The following LRRK1 variants were observed in gnomAD, a reference collection of about 807,000 sequenced individuals.
LRRK1 encodes leucine rich repeat kinase 1, also known as leucine-rich repeat serine/threonine-protein kinase 1.
Under a neutral mutation model 209.1 loss-of-function variants are expected in LRRK1, and 113 were observed. That is an observed-to-expected ratio of 0.54 (90% CI 0.46 to 0.63). The LOEUF (loss-of-function observed/expected upper bound fraction) is 0.63. Among genes scored for constraint, LRRK1 ranks in the 30% least tolerant of loss-of-function variants. LRRK1 has a pLI of 0.00. For missense variants in LRRK1, 2,284 were observed against 2,632.2 expected (o/e 0.87, Z 2.89); for synonymous variants, 1,144 against 1,099.7 (o/e 1.04, Z -0.80).
chr15:101,057,471 G>T (rs919008486), intron 28 of LRRK1, among the ~76,000 whole-genome samples: 30 of 152,204 alleles, frequency 2.0e-4, no homozygotes, highest in Non-Finnish European at 4.4e-4. Context: ...GAAGAGGCTA[G>T]TGGTTTCAAA....
intron 2 of LRRK1, among the ~76,000 whole-genome samples, chr15:100,964,845 C>A (rs1185230037): frequency 6.6e-6 from 1 of 152,056 alleles, no homozygotes; most frequent in African/African-American, 2.4e-5. Context: ...TTAGAACTTA[C>A]ATAATTAAAG....
intron 6 of LRRK1, among the ~76,000 whole-genome samples, chr15:101,000,439 T>C (rs1396503184): frequency 6.6e-6 from 1 of 152,210 alleles, no homozygotes; most frequent in Non-Finnish European, 1.5e-5. Context: ...CTCATTACCA[T>C]CTGAATTCTT....
intron 2 of LRRK1, among the ~76,000 whole-genome samples, chr15:100,959,312 G>A (rs2042825835): frequency 6.6e-6 from 1 of 152,188 alleles, no homozygotes; most frequent in African/African-American, 2.4e-5. Flanking sequence ...CAGTGAGTAA[G>A]CAGAACCCAG....
In LRRK1 at chr15:101,055,166, G is replaced by A. The variant is rs756178781; in HGVS notation, c.4275G>A (p.Glu1425=). The A allele has an allele frequency of 1.2e-6, 2 of 1,609,198 alleles. No homozygotes were observed. The highest frequency in any genetic ancestry group is 2.2e-5 in the South Asian group (2 of 90,580). Residue 1425 remains glutamate (E), a synonymous_variant, in exon 27 of 34, where the codon GAG becomes GAA. Transcript: ENST00000388948. ...QSFHEGALGV[E]GTPGYQAPEI... ...TCCATGAGGGCGCCCTAGGCGTGGA[G>A]GGCACTCCTGGCTACCAGGCCCCAG...
intron 20 of LRRK1, among the ~76,000 whole-genome samples, chr15:101,045,733 T>C (rs1444402912): frequency 6.6e-6 from 1 of 152,222 alleles, no homozygotes; most frequent in East Asian, 1.9e-4. Flanking sequence ...TATTCTAGTA[T>C]CTTAGAAACC....
intron 22 of LRRK1, 124 bp from the exon 23 acceptor site, chr15:101,049,520 C>A: frequency 1.8e-6 from 2 of 1,123,860 alleles, no homozygotes; most frequent in Non-Finnish European, 2.5e-6. Flanking sequence ...CCCCATCGGT[C>A]CTGCAGGGCA....
chr15:101,051,705 AT>A lies in LRRK1; in HGVS notation c.3440-3del. The A allele has an allele frequency of 6.2e-7, 1 of 1,613,154 alleles. No homozygotes were observed. Among genetic ancestry groups the A allele is most frequent in the South Asian group, 1.1e-5 (1 of 91,046 alleles). On this transcript the variant is annotated splice_region_variant and splice_polypyrimidine_tract_variant and intron_variant, in intron 23 of 33. Coordinates refer to ENST00000388948, the MANE Select transcript of LRRK1 (RefSeq NM_024652.6). Reference sequence around the variant, plus strand: ...TGAAGCTGTCTCCTGCTCTGTCCTTATTTAGCCCTGACAGCCACAGAGAGCG... The same window carrying A: ...TGAAGCTGTCTCCTGCTCTGTCCTTATTAGCCCTGACAGCCACAGAGAGCG...
rs189829859 is a variant in LRRK1 at position 100,976,976 on chromosome 15, C to T, written c.261+3009C>T. Among the ~76,000 whole-genome samples the T allele has an allele frequency of 7.8e-3, 1,192 of 152,310 alleles. 17 individuals are homozygous for T. The highest frequency in any genetic ancestry group is 0.028 in the African/African-American group (1,145 of 41,564). On this transcript the variant is annotated intron_variant, in intron 3 of 33. Transcript: ENST00000388948. ...GAATATGGAGGTTGTTTACTTTGCC[C>T]TCTTCTTCTCACTAAGTGCACTGAA...
rs114687338 is a variant in LRRK1, at chr15:100,944,959, C to T, written c.97+20230C>T. Among the ~76,000 whole-genome samples the T allele has an allele frequency of 2.3e-3, 347 of 152,250 alleles. 1 individual carries two copies. Among genetic ancestry groups the T allele is most frequent in the African/African-American group, 7.8e-3 (323 of 41,524 alleles). On this transcript the variant is annotated intron_variant, in intron 2 of 33. Coordinates refer to ENST00000388948, the MANE Select transcript of LRRK1 (RefSeq NM_024652.6). The stretch of plus-strand genomic sequence containing the variant: ...CTCTTTTACACAAAATGTAGCTGAT[C>T]GCAGATGCTGTTCTGTGCCTTGCCT...
At chr15:101,056,715 A>AT in intron 27 of LRRK1, 141 bp from the exon 28 acceptor site, 3 of 597,010 alleles carry the variant, frequency 5.0e-6, no homozygotes, top group Non-Finnish European at 8.6e-6. Flanking sequence ...GGATAAATGG[A>AT]TAGAGGGACA....
At chr15:101,056,830 C>A in intron 27 of LRRK1, 26 bp from the exon 28 acceptor site, 1 of 1,546,266 alleles carries the variant, frequency 6.5e-7, no homozygotes, top group African/African-American at 1.4e-5. Context: ...CAGGCAGCGA[C>A]CTGACTTGGC....
In LRRK1 at chr15:101,018,536, G is replaced by A. The variant is rs373677986; in HGVS notation, c.1610-2517G>A. ...AACGTGTCTCCAGTTTAGAAATGCC[G>A]AATCCTTCCTGGGACCACGGAGGAG... On this transcript the variant is annotated intron_variant, in intron 12 of 33. Transcript: ENST00000388948. Among the ~76,000 whole-genome samples, 295 of 152,196 alleles carry A rather than the reference G, an allele frequency of 1.9e-3. 2 individuals are homozygous for A. Among genetic ancestry groups the A allele is most frequent in the Middle Eastern group, 3.4e-3 (1 of 294 alleles).
Position 101,016,209 on chromosome 15 carries a change from A to G in LRRK1, c.1609+807A>G, listed in dbSNP as rs370636355. ...GTGCCCGGCCCCTCTTCCTATAAGA[A>G]CGTTAATCTCATAAGGGCCCCACCC... On this transcript the variant is annotated intron_variant, in intron 12 of 33. Coordinates refer to ENST00000388948, the MANE Select transcript of LRRK1 (RefSeq NM_024652.6). Among the ~76,000 whole-genome samples the G allele has an allele frequency of 4.2e-4, 64 of 152,102 alleles. 4 individuals carry two copies. The East Asian group carries it at 7.3e-3, about 17-fold the overall frequency.
chr15:100,994,578 C>T lies in LRRK1; in HGVS notation c.762+5180C>T, dbSNP rs147407648. On this transcript the variant is annotated intron_variant, in intron 6 of 33. Coordinates refer to ENST00000388948, the MANE Select transcript of LRRK1 (RefSeq NM_024652.6). The stretch of plus-strand genomic sequence containing the variant: ...AGGTTGGCATAGAGCATGGAGGAAG[C>T]GATTACTGCATTTTGTGAATGAAAA... Among the ~76,000 whole-genome samples the T allele has an allele frequency of 9.5e-3, 1,446 of 152,276 alleles. 16 individuals carry two copies. Among genetic ancestry groups the T allele is most frequent in the Middle Eastern group, 0.031 (9 of 294 alleles).
intron 23 of LRRK1, among the ~76,000 whole-genome samples, chr15:101,050,564 G>C (rs532146357): frequency 2.6e-5 from 4 of 152,200 alleles, no homozygotes; most frequent in Non-Finnish European, 5.9e-5. Context: ...CTGTGGGAGA[G>C]CGGGTTTGGA....
At chr15:101,041,599 T>G (rs948241523) in intron 20 of LRRK1, among the ~76,000 whole-genome samples, 4 of 152,192 alleles carry the variant, frequency 2.6e-5, no homozygotes, top group Non-Finnish European at 5.9e-5. Flanking sequence ...GTAATTAATA[T>G]TATACCACCT....
intron 6 of LRRK1, chr15:100,989,741 C>G (rs978688710): frequency 5.4e-6 from 2 of 367,530 alleles, no homozygotes; most frequent in East Asian, 4.0e-5. Flanking sequence ...CTTATCACAA[C>G]AGCAATTACA....
chr15:101,038,252 A>G (rs183115505), intron 20 of LRRK1, among the ~76,000 whole-genome samples: 3 of 152,354 alleles, frequency 2.0e-5, no homozygotes, highest in East Asian at 1.9e-4. Context: ...ATAAAAAACT[A>G]CACATCAGGT....
rs80194476 is a variant in LRRK1 at position 101,049,200 on chromosome 15, A to G, written c.3300-444A>G. Among the ~76,000 whole-genome samples, 998 of 152,372 alleles carry G rather than the reference A, an allele frequency of 6.5e-3. 9 individuals carry two copies. The highest frequency in any genetic ancestry group is 0.022 in the African/African-American group (928 of 41,586). ...ACCCAAGATTATTTTAATGTTTACA[A>G]TGAACTTTGCAAAATATTCTTCAGC... On this transcript the variant is annotated intron_variant, in intron 22 of 33. Coordinates refer to ENST00000388948, the MANE Select transcript of LRRK1 (RefSeq NM_024652.6).
Sources: allele counts gnomAD v4.1 joint callset (sites outside exome capture counted in the v4.1 genomes callset), GRCh38; gene constraint gnomAD v4.1.1; transcripts MANE v1.5; gene names NCBI Gene and HGNC (gene_info 2026-07-23, HGNC 2026-07-21).